FAM76B: variants seen among roughly 807,000 people sequenced by gnomAD.
FAM76B encodes protein FAM76B.
In FAM76B, 16 loss-of-function variants were observed where a neutral mutation model predicts 51.8. The ratio of observed to expected loss-of-function variants is 0.31; its 90% CI spans 0.21 to 0.47. The LOEUF is 0.47. Ranked by LOEUF, FAM76B falls within the 20% of genes least tolerant of loss-of-function variation. FAM76B has a pLI of 1.00. For missense variants in FAM76B, 342 were observed against 392.6 expected (o/e 0.87, Z 1.09); for synonymous variants, 166 against 129.5 (o/e 1.28, Z -1.91).
chr11:95,789,398 G>C lies in FAM76B; in HGVS notation c.81C>G (p.Leu27=), dbSNP rs1430228285. ...PFEELSQGQQ[L]CKECRIAHPI... The stretch of plus-strand genomic sequence containing the variant: ...CCTCCCGGAGCCCACGGACCTTGCA[G>C]AGCTGCTGGCCCTGGGAGAGCTCCT... The change falls in exon 1 of 10, where the codon CTC becomes CTG. Residue 27 remains leucine (L), a synonymous_variant. Transcript: ENST00000358780. 6 of 1,601,440 alleles carry C rather than the reference G, an allele frequency of 3.7e-6. No individual in the cohort carries two copies. The highest frequency in any genetic ancestry group is 1.7e-4 in the Middle Eastern group (1 of 5,992).
At chr11:95,788,760 T>A in intron 1 of FAM76B, 197 bp from the exon 2 acceptor site, 1 of 1,389,456 alleles carries the variant, frequency 7.2e-7, no homozygotes, top group Non-Finnish European at 9.6e-7. Context: ...GGTGTCTTTG[T>A]CTTTAGTAGA....
At chr11:95,787,286 T>G (rs1038276004) in intron 3 of FAM76B, among the ~76,000 whole-genome samples, 1 of 152,036 alleles carries the variant, frequency 6.6e-6, no homozygotes, top group African/African-American at 2.4e-5. Flanking sequence ...CAGGCTGGAG[T>G]GCAGTGGCAG....
At position 95,789,584 on chromosome 11, in the gene FAM76B, T is replaced by C; in HGVS notation, c.-106A>G. ...GGCCGCGGGCTCCTCCTCCTCCCCC[T>C]CCCCCTGCCTCGCGCCCACCAGGGC... On this transcript the variant is annotated 5_prime_UTR_variant, in exon 1 of 10. Transcript: ENST00000358780. 9.7e-6 allele frequency: 9 copies of C among 929,682 alleles called. No homozygotes were observed. Among genetic ancestry groups the C allele is most frequent in the Admixed American group, 3.0e-5 (1 of 33,832 alleles). The allele number at this position is 929,682 out of a possible 1,614,324, so 57.6% of individuals were successfully genotyped here.
rs377338648 is a variant in FAM76B at position 95,772,482 on chromosome 11, TTAGA to T, written c.931-836_931-833del. On this transcript the variant is annotated intron_variant, in intron 9 of 9. Transcript: ENST00000358780. The stretch of plus-strand genomic sequence containing the variant: ...TATTCAGTCTCTTAAATATGAAAAC[TTAGA>T]TAGTAAGGATCCCTATATATACAAA... 1.4e-3 allele frequency among the ~76,000 whole-genome samples: 218 copies of T among 151,298 alleles called. 1 individual carries two copies. The highest frequency in any genetic ancestry group is 4.7e-3 in the African/African-American group (194 of 41,454).
chr11:95,788,050 C>A (rs963407646), intron 2 of FAM76B, among the ~76,000 whole-genome samples: 2 of 152,146 alleles, frequency 1.3e-5, no homozygotes, highest in Non-Finnish European at 2.9e-5. Flanking sequence ...ATTATTTGTT[C>A]TTTTCTGAGG....
intron 7 of FAM76B, 73 bp downstream of exon 7, chr11:95,779,534 G>A (rs1860159449): frequency 4.0e-6 from 5 of 1,237,972 alleles, no homozygotes; most frequent in Admixed American, 4.5e-5. Flanking sequence ...TTTTTATCTA[G>A]TAATAACTGG....
chr11:95,780,386 G>C (rs1860203377), intron 5 of FAM76B, among the ~76,000 whole-genome samples: 1 of 151,864 alleles, frequency 6.6e-6, no homozygotes, highest in Non-Finnish European at 1.5e-5. Context: ...GAAATATATT[G>C]ATTTCTTTGA....
In FAM76B at chr11:95,769,023, G is replaced by A. The variant is rs1315101604; in HGVS notation, c.*2538C>T. On this transcript the variant is annotated 3_prime_UTR_variant, in exon 10 of 10. Transcript: ENST00000358780. ...GTACAAAATGTCAACAGTCAGATGT[G>A]TACAAGTACAGTATTTCAATAGTCT... 1 of 152,384 alleles carries A rather than the reference G, an allele frequency of 6.6e-6. No homozygotes were observed. The highest frequency in any genetic ancestry group is 1.9e-4 in the East Asian group (1 of 5,198). 9.4% of individuals were successfully genotyped at this position (152,384 alleles called of 1,614,324 possible). A position where few individuals can be genotyped will look rare whatever the true frequency, so the allele number is the denominator to read the frequency against.
intron 7 of FAM76B, 36 bp from the exon 8 acceptor site, chr11:95,778,993 T>A (rs779857395): frequency 1.3e-5 from 21 of 1,603,152 alleles, no homozygotes; most frequent in Non-Finnish European, 1.7e-5. Context: ...TTAAATGAAG[T>A]AGAAGGAAAA....
In FAM76B at chr11:95,789,575, TCCTCCC is replaced by T. The variant is rs913302870; in HGVS notation, c.-103_-98del. On this transcript the variant is annotated 5_prime_UTR_variant, in exon 1 of 10. Coordinates refer to ENST00000358780, the MANE Select transcript of FAM76B (RefSeq NM_144664.5). ...CGCCGCCCGGGCCGCGGGCTCCTCC[TCCTCCC>T]CCTCCCCCTGCCTCGCGCCCACCAG... 1.6e-4 allele frequency: 177 copies of T among 1,073,650 alleles called. No homozygotes were observed. The highest frequency in any genetic ancestry group is 2.2e-4 in the Non-Finnish European group (169 of 752,584). 66.5% of individuals were successfully genotyped at this position (1,073,650 alleles called of 1,614,324 possible). A position where few individuals can be genotyped will look rare whatever the true frequency, so the allele number is the denominator to read the frequency against.
intron 2 of FAM76B, among the ~76,000 whole-genome samples, chr11:95,787,921 T>G (rs932529535): frequency 6.6e-6 from 1 of 152,236 alleles, no homozygotes; most frequent in Non-Finnish European, 1.5e-5. Flanking sequence ...GTTTCCTATA[T>G]AGCTCCAAAA....
At chr11:95,785,503 G>C (rs750424639) in intron 4 of FAM76B, among the ~76,000 whole-genome samples, 39 of 152,284 alleles carry the variant, frequency 2.6e-4, no homozygotes, top group Non-Finnish European at 4.4e-4. Context: ...TGATGTTTAT[G>C]TACCAGACAT....
Position 95,789,606 on chromosome 11 carries a change from G to A in FAM76B, c.-128C>T, listed in dbSNP as rs943084821. The A allele has an allele frequency of 2.2e-5, 16 of 740,194 alleles. No homozygotes were observed. Among genetic ancestry groups the A allele is most frequent in the South Asian group, 4.0e-5 (2 of 49,556 alleles). The allele number at this position is 740,194 out of a possible 1,614,324, so 45.9% of individuals were successfully genotyped here. ...CCCTCCCCCTGCCTCGCGCCCACCAGGGCCTCGCCGCGAGAGCCCAGGGCC... is the reference window on the plus strand; with the variant it reads ...CCCTCCCCCTGCCTCGCGCCCACCAAGGCCTCGCCGCGAGAGCCCAGGGCC... On this transcript the variant is annotated 5_prime_UTR_variant, in exon 1 of 10. Transcript: ENST00000358780.
rs535623094 is a variant in FAM76B at position 95,789,227 on chromosome 11, T to C, written c.87+165A>G. On this transcript the variant is annotated intron_variant, in intron 1 of 9. Coordinates refer to ENST00000358780, the MANE Select transcript of FAM76B (RefSeq NM_144664.5). ...CCTTTCAGGGTCCGTTCCCAGCTAA[T>C]GTTCAAGCCCCCAGAAAAAGGGGTC... 1.7e-4 allele frequency: 163 copies of C among 956,810 alleles called. No homozygotes were observed. The African/African-American group carries it at 2.5e-3, about 15-fold the overall frequency. The allele number at this position is 956,810 out of a possible 1,614,324, so 59.3% of individuals were successfully genotyped here. A position where few individuals can be genotyped will look rare whatever the true frequency, so the allele number is the denominator to read the frequency against.
chr11:95,782,973 G>A (rs1860354870), intron 5 of FAM76B, 92 bp downstream of exon 5: 6 of 1,497,010 alleles, frequency 4.0e-6, no homozygotes, highest in Non-Finnish European at 5.4e-6. Context: ...AACTAGACTA[G>A]CACATAGTCA....
rs767795541 is a variant in FAM76B, at chr11:95,783,154, A to G, written c.474T>C (p.Ser158=). 6.2e-6 allele frequency: 10 copies of G among 1,613,620 alleles called. No homozygotes were observed. The highest frequency in any genetic ancestry group is 7.6e-6 in the Non-Finnish European group (9 of 1,179,666). ...GCTGGTCTTTCTCAGTAAGAGATGA[A>G]GAAGATGAATTTGAATGTGAAGATC... ...SLGSSHSNSS[S]SSLTEKDQHH... Residue 158 remains serine, a synonymous_variant, in exon 5 of 10, where the codon TCT becomes TCC. Transcript: ENST00000358780.
intron 1 of FAM76B, chr11:95,789,169 TG>T (rs1467277662): frequency 1.9e-5 from 21 of 1,081,592 alleles, no homozygotes; most frequent in Non-Finnish European, 2.7e-5. Context: ...GGCACCCTCC[TG>T]GGCCGCCTGG....
At position 95,789,455 on chromosome 11, in the gene FAM76B, G is replaced by A. The variant is rs1056306235; in HGVS notation, c.24C>T (p.Ala8=). 7 of 1,608,882 alleles carry A rather than the reference G, an allele frequency of 4.4e-6. No individual in the cohort carries two copies. The East Asian group carries it at 9.0e-5, about 21-fold the overall frequency. ...GATAACGCTGGGTACACTTGGTGCA[G>A]GCGTACAGGGCCGAGGCCGCCATCC... MAASALY[A]CTKCTQRYPF... is the part of the protein sequence containing the mutation. Residue 8 remains alanine, a synonymous_variant, in exon 1 of 10, where the codon GCC becomes GCT. Transcript: ENST00000358780.
At chr11:95,779,312 C>A in intron 7 of FAM76B, 1 of 519,424 alleles carries the variant, frequency 1.9e-6, no homozygotes, top group Non-Finnish European at 3.3e-6. Context: ...TTTAAAATAT[C>A]ACAATTAGAT....
Sources: gnomAD v4.1 joint callset for allele counts (sites outside exome capture counted in the v4.1 genomes callset) on GRCh38, gnomAD v4.1.1 for gene constraint, MANE v1.5 for transcripts, NCBI Gene and HGNC (gene_info 2026-07-23, HGNC 2026-07-21) for gene names.